Variants in MMP16 observed in about 807,000 individuals in gnomAD.
MMP16 encodes the protein matrix metalloproteinase-16.
In MMP16, 12 loss-of-function variants were observed where a neutral mutation model predicts 67.8. The ratio of observed to expected loss-of-function variants is 0.18; its 90% CI spans 0.11 to 0.29. The LOEUF (loss-of-function observed/expected upper bound fraction) is 0.29. MMP16 is among the 10% of genes least tolerant of loss of function. The pLI, the probability that MMP16 is intolerant of heterozygous loss-of-function variation, is 1.00. For missense variants in MMP16, 475 were observed against 765.7 expected, an observed-to-expected ratio of 0.62 and a Z score of 4.48; for synonymous variants, 249 against 255.9, an observed-to-expected ratio of 0.97 and a Z score of 0.26.
chr8:88,272,888 C>T (rs1250824911), intron 1 of MMP16, among the ~76,000 whole-genome samples: 1 of 152,072 alleles, frequency 6.6e-6, no homozygotes, highest in African/African-American at 2.4e-5. Flanking sequence ...ATTTCTTCCC[C>T]AGAGACTGTT....
chr8:88,194,678 G>T (rs1449112087), intron 2 of MMP16, among the ~76,000 whole-genome samples: 1 of 151,944 alleles, frequency 6.6e-6, no homozygotes, highest in Non-Finnish European at 1.5e-5. Context: ...GGGAGCAGAG[G>T]AGGCATGGCA....
At chr8:88,306,452 A>G (rs1333728477) in intron 1 of MMP16, among the ~76,000 whole-genome samples, 1 of 152,152 alleles carries the variant, frequency 6.6e-6, no homozygotes, top group Admixed American at 6.6e-5. Flanking sequence ...CATCATCCTG[A>G]TACCAAAACT....
At chr8:88,163,934 G>T (rs1218465032) in intron 4 of MMP16, among the ~76,000 whole-genome samples, 3 of 152,114 alleles carry the variant, frequency 2.0e-5, no homozygotes, top group African/African-American at 7.2e-5. Flanking sequence ...TATTAGGGTT[G>T]TGTATATAGG....
At chr8:88,111,733 G>A (rs1809340898) in intron 6 of MMP16, among the ~76,000 whole-genome samples, 1 of 151,534 alleles carries the variant, frequency 6.6e-6, no homozygotes, top group Non-Finnish European at 1.5e-5. Flanking sequence ...AAAGGAGGAA[G>A]CAAAAAAACC....
intron 1 of MMP16, among the ~76,000 whole-genome samples, chr8:88,229,002 T>TA (rs60354360): frequency 0.18 from 26,045 of 144,954 alleles, 2,358 homozygotes; most frequent in South Asian, 0.2. Context: ...TCTATGAAAA[T>TA]AAAAAAAAAA....
intron 1 of MMP16, among the ~76,000 whole-genome samples, chr8:88,235,653 T>G (rs1247750218): frequency 6.6e-6 from 1 of 152,126 alleles, no homozygotes; most frequent in Non-Finnish European, 1.5e-5. Context: ...CTACTAGCGT[T>G]AGAAAGCTTT....
intron 1 of MMP16, among the ~76,000 whole-genome samples, chr8:88,306,125 A>C (rs57279787): frequency 0.1 from 15,414 of 152,146 alleles, 941 homozygotes; most frequent in South Asian, 0.17. Flanking sequence ...ACCCCACAGA[A>C]ATACAAACAA....
At chr8:88,120,505 C>A (rs1807806700) in intron 4 of MMP16, among the ~76,000 whole-genome samples, 1 of 151,902 alleles carries the variant, frequency 6.6e-6, no homozygotes, top group Admixed American at 6.6e-5. Flanking sequence ...AGCATGCCCA[C>A]ACCCAGAAAA....
At chr8:88,075,463 T>C (rs1267520448) in intron 6 of MMP16, among the ~76,000 whole-genome samples, 4 of 152,114 alleles carry the variant, frequency 2.6e-5, no homozygotes, top group African/African-American at 9.7e-5. Context: ...CAGGTTTCTA[T>C]AAAGTTGTTT....
chr8:88,212,332 A>G (rs933889308), intron 1 of MMP16, among the ~76,000 whole-genome samples: 1 of 152,158 alleles, frequency 6.6e-6, no homozygotes, highest in Non-Finnish European at 1.5e-5. Context: ...CAAAATGAAG[A>G]TAATGATTAT....
chr8:88,065,455 G>C (rs1200300162), intron 7 of MMP16, among the ~76,000 whole-genome samples: 1 of 151,984 alleles, frequency 6.6e-6, no homozygotes, highest in Non-Finnish European at 1.5e-5. Context: ...TTGGACCTAT[G>C]TTTTAGATGA....
At chr8:88,068,759 G>A (rs991672570) in intron 7 of MMP16, among the ~76,000 whole-genome samples, 1 of 151,828 alleles carries the variant, frequency 6.6e-6, no homozygotes, top group East Asian at 1.9e-4. Flanking sequence ...TGGAGTGCAG[G>A]GACATGATCT....
At chr8:88,138,697 T>A (rs1158008862) in intron 4 of MMP16, among the ~76,000 whole-genome samples, 1 of 152,064 alleles carries the variant, frequency 6.6e-6, no homozygotes, top group Non-Finnish European at 1.5e-5. Context: ...AATTGGCAAA[T>A]GTCCTAAGAT....
chr8:88,211,310 G>A (rs901033895), intron 1 of MMP16, among the ~76,000 whole-genome samples: 2 of 152,136 alleles, frequency 1.3e-5, no homozygotes, highest in Admixed American at 1.3e-4. Flanking sequence ...AAGGTTGTAA[G>A]TTATAAAATA....
At chr8:88,114,304 T>C (rs1809392835) in intron 6 of MMP16, among the ~76,000 whole-genome samples, 1 of 151,860 alleles carries the variant, frequency 6.6e-6, no homozygotes, top group Non-Finnish European at 1.5e-5. Context: ...CGCAAACTTA[T>C]TGCTGTACCA....
At chr8:88,237,008 T>C (rs1809952923) in intron 1 of MMP16, among the ~76,000 whole-genome samples, 1 of 152,204 alleles carries the variant, frequency 6.6e-6, no homozygotes, top group Non-Finnish European at 1.5e-5. Context: ...AGGTTATAAA[T>C]ATCGCTATTT....
At chr8:88,298,869 G>C (rs1811054643) in intron 1 of MMP16, among the ~76,000 whole-genome samples, 1 of 151,886 alleles carries the variant, frequency 6.6e-6, no homozygotes, top group Non-Finnish European at 1.5e-5. Flanking sequence ...GAATCAAGTT[G>C]AATTTCAATA....
At chr8:88,309,728 A>G (rs2130063492) in intron 1 of MMP16, among the ~76,000 whole-genome samples, 1 of 152,200 alleles carries the variant, frequency 6.6e-6, no homozygotes, top group East Asian at 1.9e-4. Flanking sequence ...TGTATCAATG[A>G]AAGACTAAAG....
chr8:88,081,300 A>G (rs1424432303), intron 6 of MMP16, among the ~76,000 whole-genome samples: 1 of 152,200 alleles, frequency 6.6e-6, no homozygotes, highest in African/African-American at 2.4e-5. Flanking sequence ...TGTTACTTTC[A>G]CCACTGAACT....
Sources: gnomAD v4.1 joint callset for allele counts (sites outside exome capture counted in the v4.1 genomes callset) on GRCh38, gnomAD v4.1.1 for gene constraint, MANE v1.5 for transcripts, NCBI Gene and HGNC (gene_info 2026-07-23, HGNC 2026-07-21) for gene names.